ADAMTSL3: variants seen among roughly 807,000 people sequenced by gnomAD.
The protein encoded by ADAMTSL3 is ADAMTS like 3.
ADAMTSL3 carries 128 observed loss-of-function variants against 201.7 expected under a neutral mutation model. The observed-to-expected ratio is 0.63, with a 90% confidence interval of 0.55 to 0.73. The LOEUF (loss-of-function observed/expected upper bound fraction) is 0.73, where lower values mean the gene tolerates loss of function less well. Among genes scored for constraint, ADAMTSL3 ranks in the 30% least tolerant of loss-of-function variants. The pLI is 0.00. For missense variants in ADAMTSL3, 1,990 were observed against 2,119.6 expected (o/e 0.94, Z 1.20); for synonymous variants, 738 against 748.4 (o/e 0.99, Z 0.23).
At chr15:83,755,467 CTG>C (rs76727830) in intron 3 of ADAMTSL3, among the ~76,000 whole-genome samples, 9,032 of 152,244 alleles carry the variant, frequency 0.059, 386 homozygotes, top group Non-Finnish European at 0.088. Context: ...CTTTCTGTCT[CTG>C]TGAATTTGAC....
intron 3 of ADAMTSL3, among the ~76,000 whole-genome samples, chr15:83,741,788 G>C (rs900206593): frequency 1.8e-4 from 27 of 152,052 alleles, no homozygotes; most frequent in African/African-American, 6.5e-4. Context: ...CTTCCATCTA[G>C]GAGTTTGAGA....
intron 2 of ADAMTSL3, among the ~76,000 whole-genome samples, chr15:83,663,753 G>T (rs544406801): frequency 6.6e-6 from 1 of 152,312 alleles, no homozygotes; most frequent in South Asian, 2.1e-4. Context: ...AAGATCTTGG[G>T]TCGTCTTGGA....
At chr15:83,757,624 C>T (rs535103131) in intron 3 of ADAMTSL3, among the ~76,000 whole-genome samples, 1 of 152,350 alleles carries the variant, frequency 6.6e-6, no homozygotes, top group African/African-American at 2.4e-5. Flanking sequence ...TAACATTTGG[C>T]TCCTTGTTAC....
Position 83,957,926 on chromosome 15 carries a change from G to A in ADAMTSL3, c.2491-12558G>A, listed in dbSNP as rs556576256. 5.3e-5 allele frequency among the ~76,000 whole-genome samples: 8 copies of A among 152,250 alleles called. No individual in the cohort carries two copies. The South Asian group carries it at 1.7e-3, about 32-fold the overall frequency. ...TAAAAATTATTTGAAGGCTTCTAGTGAAGCAAAATCATGGTAGTAGCATAG... is the reference window on the plus strand; with the variant it reads ...TAAAAATTATTTGAAGGCTTCTAGTAAAGCAAAATCATGGTAGTAGCATAG... On this transcript the variant is annotated intron_variant, in intron 19 of 29. Transcript: ENST00000286744.
chr15:83,698,900 G>A (rs1364035134), intron 2 of ADAMTSL3, among the ~76,000 whole-genome samples: 4 of 151,966 alleles, frequency 2.6e-5, no homozygotes, highest in Admixed American at 1.3e-4. Flanking sequence ...TCTGTTTGAC[G>A]CTAAATCTTC....
intron 17 of ADAMTSL3, among the ~76,000 whole-genome samples, chr15:83,939,216 G>A (rs2066512183): frequency 6.6e-6 from 1 of 151,546 alleles, no homozygotes; most frequent in African/African-American, 2.4e-5. Context: ...GTTTATGAGT[G>A]ACATAGGCTT....
At chr15:84,004,668 C>T (rs2067860821) in intron 23 of ADAMTSL3, among the ~76,000 whole-genome samples, 1 of 152,186 alleles carries the variant, frequency 6.6e-6, no homozygotes, top group African/African-American at 2.4e-5. Context: ...ATGCTCTGGG[C>T]TCATTCTGAA....
chr15:83,691,439 C>T (rs1192760937), intron 2 of ADAMTSL3, among the ~76,000 whole-genome samples: 1 of 152,152 alleles, frequency 6.6e-6, no homozygotes, highest in Non-Finnish European at 1.5e-5. Context: ...GGGTTGGGCG[C>T]TTGGGCTCCC....
intron 28 of ADAMTSL3, among the ~76,000 whole-genome samples, chr15:84,035,237 G>C (rs531906136): frequency 2.2e-4 from 34 of 152,246 alleles, no homozygotes; most frequent in African/African-American, 7.9e-4. Flanking sequence ...AATCCTTTGG[G>C]CTAGAAGCAA....
At chr15:83,798,040 A>G (rs1371839496) in intron 4 of ADAMTSL3, among the ~76,000 whole-genome samples, 1 of 152,212 alleles carries the variant, frequency 6.6e-6, no homozygotes, top group African/African-American at 2.4e-5. Context: ...GATCTCTAAA[A>G]GTGAATGAAT....
chr15:83,674,766 C>CATATATACACACACATATACATATAT (rs1555428954), intron 2 of ADAMTSL3, among the ~76,000 whole-genome samples: 1 of 68,952 alleles, frequency 1.5e-5, no homozygotes, highest in Non-Finnish European at 2.8e-5. Flanking sequence ...CACATATATA[C>CATATATACACACACATATACATATAT]ATATATATAT....
intron 3 of ADAMTSL3, among the ~76,000 whole-genome samples, chr15:83,753,601 A>G (rs1035084354): frequency 6.6e-6 from 1 of 152,218 alleles, no homozygotes; most frequent in Non-Finnish European, 1.5e-5. Context: ...GTAAATCACT[A>G]AGAAAAGTCG....
chr15:83,975,721 A>C (rs980509056), intron 20 of ADAMTSL3, among the ~76,000 whole-genome samples: 1 of 152,044 alleles, frequency 6.6e-6, no homozygotes, highest in African/African-American at 2.4e-5. Context: ...GAGGAAGGAG[A>C]GCAGTGTGGA....
At position 84,025,229 on chromosome 15, in the gene ADAMTSL3, TG is replaced by T; in HGVS notation, c.4458-8del. ...GTCCTTACTAAAGTCCTGTAGTTTT[TG>T]TTCCTAGGTGGTTCACAAGTGTGTG... is the stretch of plus-strand genomic sequence containing the variant. On this transcript the variant is annotated splice_polypyrimidine_tract_variant and splice_region_variant and intron_variant, in intron 26 of 29. Transcript: ENST00000286744. 6.3e-7 allele frequency: 1 copy of T among 1,580,402 alleles called. No homozygotes were observed. Among genetic ancestry groups the T allele is most frequent in the Non-Finnish European group, 8.6e-7 (1 of 1,165,240 alleles).
At chr15:83,924,069 TCCGGGTGGTAACAC>T in intron 17 of ADAMTSL3, 36 bp downstream of exon 17, 1 of 1,610,336 alleles carries the variant, frequency 6.2e-7, no homozygotes, top group East Asian at 2.2e-5. Context: ...ATATACCGTG[TCCGGGTGGTAACAC>T]CCTCCCTGCA....
Position 83,972,143 on chromosome 15 carries a change from A to G in ADAMTSL3, c.2644+1506A>G, listed in dbSNP as rs180886879. Among the ~76,000 whole-genome samples, 41 of 152,278 alleles carry G rather than the reference A, an allele frequency of 2.7e-4. No individual in the cohort carries two copies. In the Middle Eastern group the frequency reaches 0.01, roughly 38 times the overall value. ...CATCTGGAGATGAGAAACCCAAGCC[A>G]TAGAAAAGGCATGAGACTTGCCTAA... is the stretch of plus-strand genomic sequence containing the variant. On this transcript the variant is annotated intron_variant, in intron 20 of 29. Transcript: ENST00000286744.
intron 26 of ADAMTSL3, 73 bp from the exon 27 acceptor site, chr15:84,025,165 T>G: frequency 7.4e-7 from 1 of 1,359,436 alleles, no homozygotes; most frequent in Middle Eastern, 1.9e-4. Context: ...ATCAGCTTTT[T>G]CCTTTGATGA....
At chr15:83,749,563 C>T (rs550743301) in intron 3 of ADAMTSL3, among the ~76,000 whole-genome samples, 6 of 152,198 alleles carry the variant, frequency 3.9e-5, no homozygotes, top group Admixed American at 6.5e-5. Context: ...GTTAGTAGGA[C>T]GCAGGTGGAA....
intron 8 of ADAMTSL3, among the ~76,000 whole-genome samples, chr15:83,859,440 C>G (rs748575938): frequency 2.6e-5 from 4 of 152,126 alleles, no homozygotes; most frequent in Non-Finnish European, 5.9e-5. Context: ...GTCTCTGTGC[C>G]GGTGGATCCA....
Sources: gnomAD v4.1 joint callset for allele counts (sites outside exome capture counted in the v4.1 genomes callset) on GRCh38, gnomAD v4.1.1 for gene constraint, MANE v1.5 for transcripts, NCBI Gene and HGNC (gene_info 2026-07-23, HGNC 2026-07-21) for gene names.